Variants in ARL8B observed in about 807,000 individuals in gnomAD.
ARL8B encodes ADP-ribosylation factor-like protein 8B.
Under a neutral mutation model 30.6 loss-of-function variants are expected in ARL8B, and 9 were observed. The ratio of observed to expected loss-of-function variants is 0.29; its 90% CI spans 0.18 to 0.51. ARL8B has a LOEUF of 0.51. Among genes scored for constraint, ARL8B ranks in the 20% least tolerant of loss-of-function variants. The probability of loss-of-function intolerance (pLI) is 0.97; values close to 1 mark genes in which losing one functional copy is unlikely to be tolerated. For synonymous variants in ARL8B, 74 were observed against 76.0 expected (o/e 0.97, Z 0.14); for missense variants, 130 against 227.2 (o/e 0.57, Z 2.75).
At chr3:5,145,390 A>G (rs2054410261) in intron 1 of ARL8B, among the ~76,000 whole-genome samples, 1 of 152,068 alleles carries the variant, frequency 6.6e-6, no homozygotes, top group Non-Finnish European at 1.5e-5. Flanking sequence ...TGGGGTGCTT[A>G]CTATTAGGGC....
intron 1 of ARL8B, among the ~76,000 whole-genome samples, chr3:5,141,093 C>G (rs1018179656): frequency 2.0e-5 from 3 of 152,188 alleles, no homozygotes; most frequent in Non-Finnish European, 4.4e-5. Flanking sequence ...GTCCCTTTCC[C>G]CACTTCAGTT....
intron 1 of ARL8B, among the ~76,000 whole-genome samples, chr3:5,166,816 G>A (rs2054628784): frequency 6.6e-6 from 1 of 152,178 alleles, no homozygotes; most frequent in African/African-American, 2.4e-5. Context: ...TGGAGTGTTG[G>A]CACTGATAGA....
chr3:5,158,522 G>A (rs2054551608), intron 1 of ARL8B, among the ~76,000 whole-genome samples: 1 of 152,194 alleles, frequency 6.6e-6, no homozygotes, highest in Non-Finnish European at 1.5e-5. Context: ...TTTGGGCAAA[G>A]TAAGGCATTA....
chr3:5,170,430 A>G (rs1488849891), intron 1 of ARL8B, 73 bp from the exon 2 acceptor site: 19 of 947,734 alleles, frequency 2.0e-5, no homozygotes, highest in South Asian at 1.7e-4. Context: ...TACAAATGCA[A>G]TGTTGATATT....
intron 1 of ARL8B, among the ~76,000 whole-genome samples, chr3:5,151,469 A>AAT (rs1276461174): frequency 2.0e-5 from 3 of 152,092 alleles, no homozygotes; most frequent in Non-Finnish European, 4.4e-5. Flanking sequence ...TTGAGTCTAT[A>AAT]AATTTTCTTC....
At chr3:5,158,292 C>CA (rs1287552480) in intron 1 of ARL8B, among the ~76,000 whole-genome samples, 4 of 152,106 alleles carry the variant, frequency 2.6e-5, no homozygotes, top group Admixed American at 2.0e-4. Flanking sequence ...CTGGGGCATG[C>CA]ATTCTGTCCA....
At position 5,150,782 on chromosome 3, in the gene ARL8B, CAAAATAAAAT is replaced by C. The variant is rs546976416; in HGVS notation, c.124-19704_124-19695del. 4.6e-5 allele frequency among the ~76,000 whole-genome samples: 7 copies of C among 152,030 alleles called. No homozygotes were observed. The South Asian group carries it at 1.0e-3, about 23-fold the overall frequency. On this transcript the variant is annotated intron_variant, in intron 1 of 6. Transcript: ENST00000256496. ...TGGGTGATAGAGTGAGACTCTGTCT[CAAAATAAAAT>C]AAAATAAAATAAAATAGTTGGTAGA...
At chr3:5,161,320 C>T (rs755562815) in intron 1 of ARL8B, among the ~76,000 whole-genome samples, 3 of 152,130 alleles carry the variant, frequency 2.0e-5, no homozygotes, top group African/African-American at 4.8e-5. Context: ...AAAACAAAAA[C>T]CCAGCAATAT....
At chr3:5,130,567 T>A (rs1382531723) in intron 1 of ARL8B, among the ~76,000 whole-genome samples, 2 of 151,768 alleles carry the variant, frequency 1.3e-5, no homozygotes, top group Admixed American at 6.6e-5. Flanking sequence ...GGAATCTTGC[T>A]TTGTTGTCCA....
chr3:5,131,371 T>C (rs1249429431), intron 1 of ARL8B, among the ~76,000 whole-genome samples: 3 of 149,988 alleles, frequency 2.0e-5, no homozygotes, highest in African/African-American at 5.0e-5. Flanking sequence ...TTGGCAATCT[T>C]ATTTCAATAA....
At chr3:5,123,693 C>T (rs1202261650) in intron 1 of ARL8B, among the ~76,000 whole-genome samples, 1 of 152,184 alleles carries the variant, frequency 6.6e-6, no homozygotes, top group Non-Finnish European at 1.5e-5. Context: ...GATTCAAACA[C>T]AGCTTTCATG....
chr3:5,133,801 G>T (rs2054303425), intron 1 of ARL8B, among the ~76,000 whole-genome samples: 1 of 152,118 alleles, frequency 6.6e-6, no homozygotes, highest in South Asian at 2.1e-4. Context: ...AGCTGGATGT[G>T]CTGCTGCGTG....
At chr3:5,135,708 C>T (rs1034054752) in intron 1 of ARL8B, among the ~76,000 whole-genome samples, 3 of 151,528 alleles carry the variant, frequency 2.0e-5, no homozygotes, top group East Asian at 1.9e-4. Context: ...CTGCCTGCCT[C>T]GGCCTCCTAA....
chr3:5,122,732 G>A, intron 1 of ARL8B, 144 bp downstream of exon 1: 2 of 974,484 alleles, frequency 2.1e-6, no homozygotes, highest in South Asian at 3.6e-5. Flanking sequence ...CATCTCCCGA[G>A]GGCCAGCATT....
rs2054767265 is a variant in ARL8B, at chr3:5,180,279, T to TA, written c.*1567dup. 2 of 152,638 alleles carry TA rather than the reference T, an allele frequency of 1.3e-5. No homozygotes were observed. The highest frequency in any genetic ancestry group is 2.4e-5 in the African/African-American group (1 of 41,476). The allele number at this position is 152,638 out of a possible 1,614,324, so 9.5% of individuals were successfully genotyped here. A position where few individuals can be genotyped will look rare whatever the true frequency, so the allele number is the denominator to read the frequency against. ...ACTTGCTTTTCTCCATTCATATTTT[T>TA]ATGAGTAGAATCTGGGCTTTTAAAT... On this transcript the variant is annotated 3_prime_UTR_variant, in exon 7 of 7. Coordinates refer to ENST00000256496, the MANE Select transcript of ARL8B (RefSeq NM_018184.3).
intron 1 of ARL8B, among the ~76,000 whole-genome samples, chr3:5,169,305 TTGTGTGTGTGTGTGTGTGTG>T (rs10575722): frequency 4.5e-4 from 65 of 142,982 alleles, no homozygotes; most frequent in African/African-American, 1.5e-3. Context: ...AATACAGTGT[TTGTGTGTGTGTGTGTGTGTG>T]TGTGTGTGTG....
intron 1 of ARL8B, among the ~76,000 whole-genome samples, chr3:5,156,358 A>G (rs1431192193): frequency 6.7e-6 from 1 of 148,430 alleles, no homozygotes; most frequent in African/African-American, 2.5e-5. Context: ...AACCCTGGAA[A>G]TCAGACTCTC....
intron 6 of ARL8B, among the ~76,000 whole-genome samples, chr3:5,175,199 T>C (rs1326921864): frequency 6.6e-6 from 1 of 152,174 alleles, no homozygotes; most frequent in Non-Finnish European, 1.5e-5. Flanking sequence ...AGCGTTACAA[T>C]GTTAATGAGA....
intron 1 of ARL8B, among the ~76,000 whole-genome samples, chr3:5,159,771 T>A (rs1048166362): frequency 2.0e-5 from 3 of 152,078 alleles, no homozygotes; most frequent in South Asian, 4.1e-4. Context: ...AGTTTTTTTT[T>A]ATGAACAAGC....
Sources: gnomAD v4.1 joint callset for allele counts (sites outside exome capture counted in the v4.1 genomes callset) on GRCh38, gnomAD v4.1.1 for gene constraint, MANE v1.5 for transcripts, NCBI Gene and HGNC (gene_info 2026-07-23, HGNC 2026-07-21) for gene names.